Variants in ZNF595 observed in about 807,000 individuals in gnomAD.
ZNF595 encodes zinc finger protein 595.
Under a neutral mutation model 19.4 loss-of-function variants are expected in ZNF595, and 9 were observed. That is an observed-to-expected ratio of 0.46 (90% confidence interval 0.28 to 0.81). The LOEUF (loss-of-function observed/expected upper bound fraction) is 0.81, where lower values mean the gene tolerates loss of function less well. Ranked by LOEUF, ZNF595 falls within the 30% of genes least tolerant of loss-of-function variation. The pLI is 0.11. For missense variants in ZNF595, 729 were observed against 736.0 expected (o/e 0.99, Z 0.11); for synonymous variants, 255 against 255.9 (o/e 1.00, Z 0.03).
In ZNF595 at chr4:86,290, C is replaced by T; in HGVS notation, c.786C>T (p.Gly262=). 6.2e-7 allele frequency: 1 copy of T among 1,611,726 alleles called. No homozygotes were observed. Residue 262 remains glycine, a synonymous_variant, in exon 4 of 4, where the codon GGC becomes GGT. Transcript: ENST00000610261. The part of the protein sequence containing the change: ...GEKPYKCEEC[G]KAFTRSTTLN... ...AACCCTACAAATGTGAAGAATGTGG[C>T]AAAGCCTTTACAAGGTCCACAACAC... is the stretch of plus-strand genomic sequence containing the variant.
intron 3 of ZNF595, among the ~76,000 whole-genome samples, chr4:82,377 T>G (rs1713949818): frequency 1.4e-4 from 13 of 94,220 alleles, no homozygotes; most frequent in Middle Eastern, 5.0e-3. Context: ...TTGTGGTTTT[T>G]TTTTTTTTTT....
chr4:69,781 C>A (rs1282289685), intron 3 of ZNF595, among the ~76,000 whole-genome samples: 1 of 152,114 alleles, frequency 6.6e-6, no homozygotes, highest in African/African-American at 2.4e-5. Flanking sequence ...TGATGTGATT[C>A]CATTTGTTCA....
intron 3 of ZNF595, among the ~76,000 whole-genome samples, chr4:78,287 C>T (rs782286048): frequency 4.6e-5 from 7 of 152,182 alleles, no homozygotes; most frequent in East Asian, 1.9e-4. Flanking sequence ...AGATTACAGG[C>T]GTGAGCCACC....
chr4:71,144 T>C (rs1713410423), intron 3 of ZNF595, among the ~76,000 whole-genome samples: 1 of 152,204 alleles, frequency 6.6e-6, no homozygotes, highest in South Asian at 2.1e-4. Flanking sequence ...TTTTTCACAT[T>C]GTTCACTGTT....
intron 3 of ZNF595, among the ~76,000 whole-genome samples, chr4:84,951 C>T (rs573660629): frequency 6.6e-6 from 1 of 152,058 alleles, no homozygotes; most frequent in East Asian, 1.9e-4. Flanking sequence ...GGCCATGTTG[C>T]CCTAATATTT....
At chr4:74,815 A>C (rs975479015) in intron 3 of ZNF595, among the ~76,000 whole-genome samples, 15 of 152,050 alleles carry the variant, frequency 9.9e-5, no homozygotes, top group Non-Finnish European at 2.2e-4. Flanking sequence ...AGTGGCGGAG[A>C]GGTGACTGAA....
At chr4:82,093 T>C (rs1713930699) in intron 3 of ZNF595, among the ~76,000 whole-genome samples, 1 of 152,172 alleles carries the variant, frequency 6.6e-6, no homozygotes, top group South Asian at 2.1e-4. Flanking sequence ...TTAAGTTCTT[T>C]AGCTTTGTAT....
In ZNF595 at chr4:85,736, T is replaced by G. The variant is rs1025887994; in HGVS notation, c.232T>G (p.Cys78Gly). 1.3e-6 allele frequency: 2 copies of G among 1,562,822 alleles called. No homozygotes were observed. Among genetic ancestry groups the G allele is most frequent in the Admixed American group, 2.0e-5 (1 of 50,396 alleles). ...HETAAKPPAICSPFSQDLSPV... is the reference protein window; with the variant it reads ...HETAAKPPAIGSPFSQDLSPV... ...GTTATTTTTATTTCTTTCAGCTATA[T>G]GTTCTCCTTTCAGCCAAGACCTTTC... Residue 78 changes from cysteine to glycine, a missense_variant, in exon 4 of 4, where the codon TGT (cysteine) becomes GGT (glycine). Physicochemically the swap from Cys to Gly is radical, Grantham distance 159. Coordinates refer to ENST00000610261, the MANE Select transcript of ZNF595 (RefSeq NM_182524.4).
intron 3 of ZNF595, among the ~76,000 whole-genome samples, chr4:68,807 C>T (rs1381511760): frequency 1.3e-5 from 2 of 152,060 alleles, no homozygotes; most frequent in East Asian, 1.9e-4. Flanking sequence ...AATTAAATTG[C>T]TTTTGACTAT....
intron 3 of ZNF595, among the ~76,000 whole-genome samples, chr4:82,372 GTTTTTTTTTTTTTTTTT>G (rs34932652): frequency 0.16 from 13,873 of 86,116 alleles, 1,013 homozygotes; most frequent in African/African-American, 0.3. Flanking sequence ...TTGGTTTGTG[GTTTTTTTTTTTTTTTTT>G]TTTTTTTTTT....
At chr4:70,127 A>G (rs1446356231) in intron 3 of ZNF595, among the ~76,000 whole-genome samples, 1 of 152,166 alleles carries the variant, frequency 6.6e-6, no homozygotes, top group Non-Finnish European at 1.5e-5. Context: ...AGTAATTGAC[A>G]TTGTGGACTT....
rs575653865 is a variant in ZNF595 at position 81,035 on chromosome 4, A to G, written c.227-4696A>G. Among the ~76,000 whole-genome samples the G allele has an allele frequency of 2.6e-5, 4 of 151,240 alleles. No individual in the cohort carries two copies. The South Asian group carries it at 8.4e-4, about 32-fold the overall frequency. On this transcript the variant is annotated intron_variant, in intron 3 of 3. Coordinates refer to ENST00000610261, the MANE Select transcript of ZNF595 (RefSeq NM_182524.4). ...TGTGTGATGTTCCTTCCCTGTGTCCATGTGTTCTCATTGTTCAACTCCCAC... is the reference window on the plus strand; with the variant it reads ...TGTGTGATGTTCCTTCCCTGTGTCCGTGTGTTCTCATTGTTCAACTCCCAC...
chr4:77,912 A>G (rs1485903518), intron 3 of ZNF595, among the ~76,000 whole-genome samples: 1 of 152,156 alleles, frequency 6.6e-6, no homozygotes, highest in Non-Finnish European at 1.5e-5. Flanking sequence ...GATGAGCAGT[A>G]CTGACCCTTG....
In ZNF595 at chr4:87,221, T is replaced by TATA; in HGVS notation, c.1719_1721dup (p.Asn574dup). The TATA allele has an allele frequency of 6.3e-7, 1 of 1,595,210 alleles. No homozygotes were observed. Among genetic ancestry groups the TATA allele is most frequent in the Non-Finnish European group, 8.6e-7 (1 of 1,167,656 alleles). ...CAAATGCAAAGAATGTGGCAAAGCCTATAACTTATCCTCAACCCTTACTAA... is the reference window on the plus strand; with the variant it reads ...CAAATGCAAAGAATGTGGCAAAGCCTATAATAACTTATCCTCAACCCTTACTAA... On this transcript the variant is annotated inframe_insertion, in exon 4 of 4. Coordinates refer to ENST00000610261, the MANE Select transcript of ZNF595 (RefSeq NM_182524.4).
At chr4:79,885 A>T (rs1713834201) in intron 3 of ZNF595, among the ~76,000 whole-genome samples, 1 of 151,590 alleles carries the variant, frequency 6.6e-6, no homozygotes, top group Non-Finnish European at 1.5e-5. Context: ...TCAAATTTTC[A>T]TGTCTTTTTC....
chr4:54,950 C>T (rs1362953396), intron 1 of ZNF595, among the ~76,000 whole-genome samples: 2 of 152,074 alleles, frequency 1.3e-5, no homozygotes, highest in Admixed American at 6.5e-5. Context: ...GGCGTGATCT[C>T]GGCTTACTGC....
At position 87,117 on chromosome 4, in the gene ZNF595, G is replaced by T; in HGVS notation, c.1613G>T (p.Cys538Phe). 6.2e-7 allele frequency: 1 copy of T among 1,613,950 alleles called. No individual in the cohort carries two copies. Among genetic ancestry groups the T allele is most frequent in the Non-Finnish European group, 8.5e-7 (1 of 1,179,928 alleles). The part of the protein sequence containing the change: ...SIHSEQKLYK[C>F]EECGKAFTRS... ...CATTCTGAACAAAAACTTTACAAAT[G>T]TGAAGAATGTGGCAAAGCCTTTACT... Residue 538 changes from cysteine (C) to phenylalanine (F), a missense_variant, in exon 4 of 4, where the codon TGT (cysteine) becomes TTT (phenylalanine). By Grantham distance (205) the Cys-to-Phe change is radical. Coordinates refer to ENST00000610261, the MANE Select transcript of ZNF595 (RefSeq NM_182524.4).
chr4:86,629 A>C lies in ZNF595; in HGVS notation c.1125A>C (p.Lys375Asn), dbSNP rs368406865. 5.6e-6 allele frequency: 9 copies of C among 1,613,592 alleles called. No homozygotes were observed. The African/African-American group carries it at 1.2e-4, about 22-fold the overall frequency. ...TTTACAAATGTGAAGAATGTGGCAAAGCCTTTACTTGGTCCTCATCCCTTA... is the reference window on the plus strand; with the variant it reads ...TTTACAAATGTGAAGAATGTGGCAACGCCTTTACTTGGTCCTCATCCCTTA... ...QKLYKCEECG[K>N]AFTWSSSLNK... The change falls in exon 4 of 4, where the codon AAA becomes AAC. Residue 375 changes from lysine to asparagine, a missense_variant. Coordinates refer to ENST00000610261, the MANE Select transcript of ZNF595 (RefSeq NM_182524.4).
intron 3 of ZNF595, among the ~76,000 whole-genome samples, chr4:82,467 C>T (rs768298538): frequency 8.8e-5 from 13 of 148,166 alleles, no homozygotes; most frequent in Non-Finnish European, 1.8e-4. Flanking sequence ...CACCACAACC[C>T]TCTGCCTCCC....
Sources: gnomAD v4.1 joint callset for allele counts (sites outside exome capture counted in the v4.1 genomes callset) on GRCh38, gnomAD v4.1.1 for gene constraint, MANE v1.5 for transcripts, NCBI Gene and HGNC (gene_info 2026-07-23, HGNC 2026-07-21) for gene names.